Variants in CYSTM1 observed in about 807,000 individuals in gnomAD.
CYSTM1 encodes cysteine-rich transmembrane module-containing protein 1.
In CYSTM1, 4 loss-of-function variants were observed where a neutral mutation model predicts 13.1. That is an observed-to-expected ratio of 0.31 (90% confidence interval 0.15 to 0.70). CYSTM1 has a LOEUF of 0.70. Among genes scored for constraint, CYSTM1 ranks in the 30% least tolerant of loss-of-function variants. CYSTM1 has a pLI of 0.72. For missense variants in CYSTM1, 96 were observed against 121.6 expected (o/e 0.79, Z 0.99); for synonymous variants, 36 against 42.7 (o/e 0.84, Z 0.62).
intron 2 of CYSTM1, among the ~76,000 whole-genome samples, chr5:140,238,073 T>C (rs1322109530): frequency 6.6e-6 from 1 of 151,958 alleles, no homozygotes; most frequent in Non-Finnish European, 1.5e-5. Flanking sequence ...GGTGGGTGAG[T>C]TGGTTGGCCA....
At chr5:140,221,947 T>C (rs929169602) in intron 2 of CYSTM1, among the ~76,000 whole-genome samples, 4 of 152,262 alleles carry the variant, frequency 2.6e-5, no homozygotes, top group Non-Finnish European at 4.4e-5. Context: ...ATTGACCACA[T>C]TTCAGCTGGC....
chr5:140,190,253 A>AT, intron 1 of CYSTM1, among the ~76,000 whole-genome samples: 1 of 151,404 alleles, frequency 6.6e-6, no homozygotes, highest in Non-Finnish European at 1.5e-5. Context: ...AAAAACCCTT[A>AT]TTTTTTTTCT....
At chr5:140,241,359 G>T (rs533623870) in intron 2 of CYSTM1, among the ~76,000 whole-genome samples, 2 of 152,210 alleles carry the variant, frequency 1.3e-5, no homozygotes, top group Admixed American at 6.5e-5. Context: ...TGCCCCACAC[G>T]GCGGTCATGA....
chr5:140,212,714 C>A (rs1167519222), intron 2 of CYSTM1, among the ~76,000 whole-genome samples: 1 of 152,090 alleles, frequency 6.6e-6, no homozygotes, highest in Non-Finnish European at 1.5e-5. Flanking sequence ...CACCTGTAAT[C>A]CCAGCACTTT....
At chr5:140,225,821 G>A (rs1170004370) in intron 2 of CYSTM1, among the ~76,000 whole-genome samples, 2 of 152,170 alleles carry the variant, frequency 1.3e-5, no homozygotes, top group African/African-American at 2.4e-5. Flanking sequence ...ATCTGGCTCT[G>A]TTCTGCTCTT....
chr5:140,176,052 C>A (rs747305537), intron 1 of CYSTM1, among the ~76,000 whole-genome samples: 60 of 152,150 alleles, frequency 3.9e-4, no homozygotes, highest in African/African-American at 1.3e-3. Context: ...GTCTGCTGGG[C>A]TGTTTTGGGG....
At chr5:140,192,757 T>C (rs1044113193) in intron 1 of CYSTM1, among the ~76,000 whole-genome samples, 7 of 152,152 alleles carry the variant, frequency 4.6e-5, no homozygotes, top group Non-Finnish European at 1.0e-4. Flanking sequence ...TGCATCTGGG[T>C]AAAGTCCTGA....
intron 1 of CYSTM1, among the ~76,000 whole-genome samples, chr5:140,191,368 T>C (rs745764483): frequency 3.3e-5 from 5 of 152,238 alleles, no homozygotes; most frequent in Non-Finnish European, 5.9e-5. Context: ...TTTTCCCTTC[T>C]AGACCTTACA....
chr5:140,229,610 C>T (rs1764597292), intron 2 of CYSTM1, among the ~76,000 whole-genome samples: 1 of 152,146 alleles, frequency 6.6e-6, no homozygotes, highest in Non-Finnish European at 1.5e-5. Flanking sequence ...ATTCCAAGCT[C>T]ATAAAAATAA....
At chr5:140,203,532 A>G (rs535907147) in intron 2 of CYSTM1, among the ~76,000 whole-genome samples, 1 of 152,356 alleles carries the variant, frequency 6.6e-6, no homozygotes, top group Non-Finnish European at 1.5e-5. Flanking sequence ...CATTACCACA[A>G]GTTTCAGTGG....
intron 2 of CYSTM1, among the ~76,000 whole-genome samples, chr5:140,227,256 G>C (rs1764568688): frequency 6.6e-6 from 1 of 152,206 alleles, no homozygotes; most frequent in Admixed American, 6.5e-5. Context: ...CTGCCACCTG[G>C]TGTGAAGGGC....
Position 140,193,122 on chromosome 5 carries a change from C to T in CYSTM1, c.-20-1324C>T, listed in dbSNP as rs188207006. ...TACATTTTGAATCTGAGACTCTTCCCTACTATTTGGTTGGGGATAGAAGAC... is the reference window on the plus strand; with the variant it reads ...TACATTTTGAATCTGAGACTCTTCCTTACTATTTGGTTGGGGATAGAAGAC... On this transcript the variant is annotated intron_variant, in intron 1 of 2. Coordinates refer to ENST00000261811, the MANE Select transcript of CYSTM1 (RefSeq NM_032412.4). Among the ~76,000 whole-genome samples the T allele has an allele frequency of 2.6e-5, 4 of 152,308 alleles. No individual in the cohort carries two copies. The East Asian group carries it at 7.7e-4, about 29-fold the overall frequency.
rs1033656214 is a variant in CYSTM1 at position 140,233,321 on chromosome 5, T to C, written c.188-9984T>C. Among the ~76,000 whole-genome samples the C allele has an allele frequency of 2.0e-5, 3 of 152,246 alleles. No individual in the cohort carries two copies. The East Asian group carries it at 5.8e-4, about 29-fold the overall frequency. On this transcript the variant is annotated intron_variant, in intron 2 of 2. Coordinates refer to ENST00000261811, the MANE Select transcript of CYSTM1 (RefSeq NM_032412.4). ...CAGTGTGTTAACTGCTGGTGTATTC[T>C]ATGAGGATCTGTGGATACTTTATTG... is the stretch of plus-strand genomic sequence containing the variant.
At chr5:140,198,613 G>A (rs1261604774) in intron 2 of CYSTM1, among the ~76,000 whole-genome samples, 1 of 152,190 alleles carries the variant, frequency 6.6e-6, no homozygotes, top group Non-Finnish European at 1.5e-5. Context: ...CCTTATTCCA[G>A]TATTCAAAAC....
At chr5:140,194,342 A>G (rs1407290030) in intron 1 of CYSTM1, 104 bp from the exon 2 acceptor site, 1 of 1,109,984 alleles carries the variant, frequency 9.0e-7, no homozygotes, top group Non-Finnish European at 1.3e-6. Flanking sequence ...ACAAGGCTTG[A>G]TACACCTTGA....
rs569315673 is a variant in CYSTM1 at position 140,226,543 on chromosome 5, A to G, written c.188-16762A>G. ...AATATATAATATATTTATATATATTAATAATATAATATATAATATAAATAT... is the reference window on the plus strand; with the variant it reads ...AATATATAATATATTTATATATATTGATAATATAATATATAATATAAATAT... On this transcript the variant is annotated intron_variant, in intron 2 of 2. Coordinates refer to ENST00000261811, the MANE Select transcript of CYSTM1 (RefSeq NM_032412.4). Among the ~76,000 whole-genome samples, 11 of 113,308 alleles carry G rather than the reference A, an allele frequency of 9.7e-5. No homozygotes were observed. In the East Asian group the frequency reaches 2.4e-3, roughly 24 times the overall value. 74.3% of individuals were successfully genotyped at this position (113,308 alleles called of 152,430 possible).
intron 2 of CYSTM1, 132 bp from the exon 3 acceptor site, chr5:140,243,173 G>T: frequency 1.4e-6 from 1 of 708,356 alleles, no homozygotes. Context: ...AGCAATGGCA[G>T]GAACACGGTT....
chr5:140,222,702 A>T (rs1278917130), intron 2 of CYSTM1, among the ~76,000 whole-genome samples: 1 of 152,160 alleles, frequency 6.6e-6, no homozygotes, highest in East Asian at 1.9e-4. Flanking sequence ...GCCTAGAAGG[A>T]TGTTGGTGCT....
chr5:140,237,496 C>T (rs575312825), intron 2 of CYSTM1, among the ~76,000 whole-genome samples: 1 of 152,336 alleles, frequency 6.6e-6, no homozygotes, highest in South Asian at 2.1e-4. Context: ...TCTTTGAACT[C>T]AGCATCCTCT....
Sources: gnomAD v4.1 joint callset for allele counts (sites outside exome capture counted in the v4.1 genomes callset) on GRCh38, gnomAD v4.1.1 for gene constraint, MANE v1.5 for transcripts, NCBI Gene and HGNC (gene_info 2026-07-23, HGNC 2026-07-21) for gene names.